ZSCAN18: variants seen among roughly 807,000 people sequenced by gnomAD.
ZSCAN18 encodes the protein zinc finger and SCAN domain containing 18.
ZSCAN18 carries 16 observed loss-of-function variants against 31.1 expected under a neutral mutation model. The observed-to-expected ratio is 0.51, with a 90% confidence interval of 0.35 to 0.78. The LOEUF is 0.78. ZSCAN18 is among the 30% of genes least tolerant of loss of function. The pLI, the probability that ZSCAN18 is intolerant of heterozygous loss-of-function variation, is 0.01. For missense variants in ZSCAN18, 731 were observed against 697.4 expected (o/e 1.05, Z -0.54); for synonymous variants, 375 against 320.7 (o/e 1.17, Z -1.81).
At chr19:58,087,144 GC>G in intron 4 of ZSCAN18, 136 bp from the exon 5 acceptor site, 2 of 977,850 alleles carry the variant, frequency 2.0e-6, no homozygotes, top group Non-Finnish European at 3.0e-6. Context: ...GCAGGAGGCA[GC>G]CCCCTTCGCA....
At chr19:58,114,442 AT>A (rs1394861088) in intron 1 of ZSCAN18, among the ~76,000 whole-genome samples, 2 of 61,028 alleles carry the variant, frequency 3.3e-5, no homozygotes. Flanking sequence ...CAACATATTT[AT>A]GAGTAAAGTG....
chr19:58,107,775 T>G lies in ZSCAN18; in HGVS notation c.130+10492A>C, dbSNP rs953999178. 12 of 991,900 alleles carry G rather than the reference T, an allele frequency of 1.2e-5. No homozygotes were observed. In the African/African-American group the frequency reaches 2.1e-4, roughly 17 times the overall value. The allele number at this position is 991,900 out of a possible 1,614,324, so 61.4% of individuals were successfully genotyped here. A position where few individuals can be genotyped will look rare whatever the true frequency, so the allele number is the denominator to read the frequency against. On this transcript the variant is annotated intron_variant, in intron 1 of 1. Transcript: ENST00000595721. ...AATCCCCATAGGTCTCAGTCCAATG[T>G]GTCAACTCTGGTTTCTAGCGAGAGC... is the stretch of plus-strand genomic sequence containing the variant.
chr19:58,115,576 C>T (rs1357435944), intron 1 of ZSCAN18, among the ~76,000 whole-genome samples: 2 of 152,058 alleles, frequency 1.3e-5, no homozygotes. Flanking sequence ...CATTATATTA[C>T]GGGTAGTTCC....
Position 58,104,702 on chromosome 19 carries a change from CAATAAAATAA to C in ZSCAN18, c.130+13555_130+13564del, listed in dbSNP as rs369292414. Among the ~76,000 whole-genome samples the C allele has an allele frequency of 6.6e-3, 922 of 139,964 alleles. 5 individuals are homozygous for C. The highest frequency in any genetic ancestry group is 0.016 in the South Asian group (64 of 4,032). 91.8% of individuals were successfully genotyped at this position (139,964 alleles called of 152,430 possible). ...TAGGCAAAAGAGTGAGACTCCATCT[CAATAAAATAA>C]AATAAAATAAAATAAAATAAAATAA... On this transcript the variant is annotated intron_variant, in intron 1 of 1. Transcript: ENST00000595721.
chr19:58,092,210 G>C (rs1398228572), intron 1 of ZSCAN18, among the ~76,000 whole-genome samples: 2 of 152,066 alleles, frequency 1.3e-5, no homozygotes, highest in African/African-American at 4.8e-5. Flanking sequence ...CCAATGAACT[G>C]TCCACTTTAA....
chr19:58,108,511 G>T, intron 1 of ZSCAN18: 2 of 986,006 alleles, frequency 2.0e-6, no homozygotes, highest in Non-Finnish European at 2.4e-6. Context: ...GCATTTATAG[G>T]ATTTCTCTCC....
At chr19:58,118,414 G>A (rs765975906), upstream of ZSCAN18, 9 of 1,486,856 alleles carry the variant, frequency 6.1e-6, no homozygotes, top group African/African-American at 8.7e-5. Context: ...CAGAGTTCCC[G>A]GATGCGATAT....
intron 3 of ZSCAN18, chr19:58,088,384 C>T (rs1348279666): frequency 2.1e-5 from 6 of 287,440 alleles, no homozygotes; most frequent in Non-Finnish European, 4.1e-5. Context: ...GGACGTGCAT[C>T]AGGACACTTG....
At chr19:58,086,366 T>A in intron 5 of ZSCAN18, 100 bp from the exon 6 acceptor site, 1 of 1,026,782 alleles carries the variant, frequency 9.7e-7, no homozygotes. Flanking sequence ...GCAGCCCACC[T>A]CCTCTTCTCT....
chr19:58,111,185 A>AT (rs898756310), intron 1 of ZSCAN18, among the ~76,000 whole-genome samples: 2 of 148,050 alleles, frequency 1.4e-5, no homozygotes, highest in Non-Finnish European at 3.0e-5. Flanking sequence ...AAAAATTCCC[A>AT]TTTTCTGGAG....
At chr19:58,099,799 G>T (rs575068051), upstream of ZSCAN18, among the ~76,000 whole-genome samples, 8 of 152,204 alleles carry the variant, frequency 5.3e-5, no homozygotes, top group South Asian at 2.1e-4. Flanking sequence ...GGTATGTACT[G>T]ATATATCATT....
chr19:58,105,656 G>C (rs539177692), intron 1 of ZSCAN18, among the ~76,000 whole-genome samples: 1 of 148,632 alleles, frequency 6.7e-6, no homozygotes, highest in Non-Finnish European at 1.5e-5. Context: ...GTGAGACTCC[G>C]TCTCAAAAAA....
At chr19:58,111,823 G>A (rs116169660) in intron 1 of ZSCAN18, among the ~76,000 whole-genome samples, 92 of 152,230 alleles carry the variant, frequency 6.0e-4, no homozygotes, top group African/African-American at 2.1e-3. Flanking sequence ...TCCCTTAAAT[G>A]TTGAATTCAT....
chr19:58,088,416 T>C (rs942902260), intron 3 of ZSCAN18: 1 of 385,472 alleles, frequency 2.6e-6, no homozygotes, highest in Non-Finnish European at 4.8e-6. Context: ...TTTCAGAGGG[T>C]TCATGGTCGG....
Position 58,084,959 on chromosome 19 carries a change from T to A in ZSCAN18, c.1259A>T (p.Glu420Val). ...GKPYACGECGEAFAWLSHLME... is the reference protein window; with the variant it reads ...GKPYACGECGVAFAWLSHLME... ...CAGGTGCGAGAGCCACGCGAAGGCCTCCCCGCACTCGCCGCAGGCATAGGG... is the reference window on the plus strand; with the variant it reads ...CAGGTGCGAGAGCCACGCGAAGGCCACCCCGCACTCGCCGCAGGCATAGGG... Residue 420 changes from glutamate to valine, a missense_variant, in exon 7 of 7, where the codon GAG becomes GTG. Glu to Val is a moderately radical substitution (Grantham distance 121). Around this residue, in one of 4 missense-constraint regions of ZSCAN18, gnomAD observed 597 missense variants for 499.5 expected, o/e 1.20. Transcript: ENST00000601144. The surrounding 1 kb of genome is among the most constrained non-coding windows in gnomAD (Gnocchi z 4.5). 1 of 1,599,050 alleles carries A rather than the reference T, an allele frequency of 6.3e-7. No homozygotes were observed. Among genetic ancestry groups the A allele is most frequent in the Non-Finnish European group, 8.5e-7 (1 of 1,174,924 alleles).
At chr19:58,101,383 T>C (rs1400893038), upstream of ZSCAN18, among the ~76,000 whole-genome samples, 2 of 148,138 alleles carry the variant, frequency 1.4e-5, no homozygotes, top group African/African-American at 2.5e-5. Flanking sequence ...TCTCCTGACC[T>C]CATGATCCAC....
chr19:58,114,865 C>G (rs1049218896), intron 1 of ZSCAN18, among the ~76,000 whole-genome samples: 2 of 152,078 alleles, frequency 1.3e-5, no homozygotes, highest in African/African-American at 4.8e-5. Flanking sequence ...GAGAGATATT[C>G]CAGGATCATC....
rs1229003477 is a variant in ZSCAN18, at chr19:58,084,769, T to C, written c.1449A>G (p.Glu483=). The C allele has an allele frequency of 1.3e-6, 2 of 1,573,260 alleles. No individual in the cohort carries two copies. Among genetic ancestry groups the C allele is most frequent in the Non-Finnish European group, 8.6e-7 (1 of 1,167,342 alleles). ...GARGPQPSTR[E]AQAGARAGGP... is the part of the protein sequence containing the mutation. Reference sequence around the variant, plus strand: ...CGCCCGCCCTAGCCCCCGCCTGGGCTTCGCGGGTGGACGGTTGGGGGCCCC... The same window carrying C: ...CGCCCGCCCTAGCCCCCGCCTGGGCCTCGCGGGTGGACGGTTGGGGGCCCC... Residue 483 remains glutamate, a synonymous_variant, in exon 7 of 7, where the codon GAA becomes GAG. Transcript: ENST00000601144. This position sits in a 1 kb window ranked among gnomAD's most constrained non-coding sequence, Gnocchi z 4.5.
upstream of ZSCAN18, among the ~76,000 whole-genome samples, chr19:58,101,015 G>A (rs921976266): frequency 6.6e-6 from 1 of 152,160 alleles, no homozygotes; most frequent in African/African-American, 2.4e-5. Context: ...TATCTTTGCA[G>A]GTCTATTTCC....
Sources: allele counts gnomAD v4.1 joint callset (sites outside exome capture counted in the v4.1 genomes callset), GRCh38; gene constraint gnomAD v4.1.1; regional missense constraint gnomAD v4.1.1; non-coding constraint Gnocchi (gnomAD v3.1); transcripts MANE v1.5; gene names NCBI Gene and HGNC (gene_info 2026-07-23, HGNC 2026-07-21).